The following LRP1B variants were observed in gnomAD, a reference collection of about 807,000 sequenced individuals.
LRP1B encodes the protein LDL receptor related protein 1B.
LRP1B carries 217 observed loss-of-function variants against 556.6 expected under a neutral mutation model. The ratio of observed to expected loss-of-function variants is 0.39; its 90% CI spans 0.35 to 0.44. LRP1B has a LOEUF of 0.44. Ranked by LOEUF, LRP1B falls within the 20% of genes least tolerant of loss-of-function variation. LRP1B has a pLI of 1.00. For missense variants in LRP1B, 5,053 were observed against 5,620.8 expected (o/e 0.90, Z 3.23); for synonymous variants, 2,047 against 1,865.8 (o/e 1.10, Z -2.50).
At chr2:140,310,409 G>A (rs1281857041) in intron 83 of LRP1B, among the ~76,000 whole-genome samples, 1 of 106,112 alleles carries the variant, frequency 9.4e-6, no homozygotes, top group Non-Finnish European at 2.0e-5. Flanking sequence ...AAATTCATAC[G>A]GAACCAAAAA....
rs1186462944 is a variant in LRP1B, at chr2:141,988,333, CTTGG to C, written c.82+142311_82+142314del. On this transcript the variant is annotated intron_variant, in intron 1 of 90. Transcript: ENST00000389484. ...TTCTCTTTATTAAATCACTGAGGTCCTTGGTTGTAGAATAGATTCAAGCAGTAGT... is the reference window on the plus strand; with the variant it reads ...TTCTCTTTATTAAATCACTGAGGTCCTTGTAGAATAGATTCAAGCAGTAGT... Among the ~76,000 whole-genome samples the C allele has an allele frequency of 3.3e-5, 5 of 151,664 alleles. No homozygotes were observed. In the East Asian group the frequency reaches 9.7e-4, roughly 30 times the overall value.
intron 31 of LRP1B, among the ~76,000 whole-genome samples, chr2:140,820,727 G>A (rs1559138718): frequency 6.6e-6 from 1 of 152,024 alleles, no homozygotes; most frequent in Non-Finnish European, 1.5e-5. Flanking sequence ...ACTGGATTGT[G>A]TCACTTAAAT....
intron 3 of LRP1B, among the ~76,000 whole-genome samples, chr2:141,464,322 TA>T (rs1014165299): frequency 1.6e-4 from 24 of 152,102 alleles, no homozygotes; most frequent in African/African-American, 5.6e-4. Context: ...CTTCCATCTT[TA>T]TCTTCTCTTA....
chr2:141,463,579 TAA>T (rs1682015344), intron 3 of LRP1B, among the ~76,000 whole-genome samples: 2 of 48,972 alleles, frequency 4.1e-5, no homozygotes, highest in African/African-American at 1.3e-4. Flanking sequence ...ATATTATATA[TAA>T]TTATATATAA....
chr2:140,855,270 G>A lies in LRP1B; in HGVS notation c.4580-3487C>T, dbSNP rs139626880. On this transcript the variant is annotated intron_variant, in intron 27 of 90. Transcript: ENST00000389484. ...GTTTTCTCCATTTCCTGCATGGATTGTTGCGCTAAACTCCTAACTAATCTT... is the reference window on the plus strand; with the variant it reads ...GTTTTCTCCATTTCCTGCATGGATTATTGCGCTAAACTCCTAACTAATCTT... Among the ~76,000 whole-genome samples, 280 of 150,600 alleles carry A rather than the reference G, an allele frequency of 1.9e-3. 1 individual carries two copies. Among genetic ancestry groups the A allele is most frequent in the African/African-American group, 6.1e-3 (250 of 40,998 alleles).
intron 2 of LRP1B, among the ~76,000 whole-genome samples, chr2:141,655,546 G>A (rs1689973657): frequency 6.6e-6 from 1 of 151,912 alleles, no homozygotes; most frequent in South Asian, 2.1e-4. Flanking sequence ...ATGAGAATAT[G>A]CATTTAATAT....
intron 55 of LRP1B, among the ~76,000 whole-genome samples, chr2:140,496,174 A>T (rs1235283030): frequency 6.6e-6 from 1 of 152,142 alleles, no homozygotes; most frequent in Non-Finnish European, 1.5e-5. Context: ...ATTTCATTTG[A>T]GCAGTATAGA....
At chr2:141,684,813 C>A (rs937489547) in intron 2 of LRP1B, among the ~76,000 whole-genome samples, 3 of 152,048 alleles carry the variant, frequency 2.0e-5, no homozygotes, top group Non-Finnish European at 2.9e-5. Flanking sequence ...ACCAGGAACA[C>A]TGCCAGCTTG....
chr2:140,505,678 C>A (rs1689379286), intron 53 of LRP1B, among the ~76,000 whole-genome samples: 1 of 152,116 alleles, frequency 6.6e-6, no homozygotes, highest in Non-Finnish European at 1.5e-5. Flanking sequence ...TAAAATATCA[C>A]ATCAAATGTA....
intron 41 of LRP1B, among the ~76,000 whole-genome samples, chr2:140,671,644 A>T (rs1280123381): frequency 6.6e-6 from 1 of 151,564 alleles, no homozygotes; most frequent in African/African-American, 2.4e-5. Context: ...TTTCATCCTT[A>T]ACATTTTTTT....
chr2:142,070,978 T>C (rs2104910933), intron 1 of LRP1B, among the ~76,000 whole-genome samples: 1 of 152,028 alleles, frequency 6.6e-6, no homozygotes. Context: ...TTATCTTTAT[T>C]TTACAGAAAA....
Position 140,601,606 on chromosome 2 carries a change from C to T in LRP1B, c.6833G>A (p.Arg2278Lys), listed in dbSNP as rs368677921. ...VGSVEGLAYH[R>K]AWDTLYWTSS... ...TGTCCAGTACAGTGTATCCCAGGCT[C>T]TGTGATAGGCAAGTCCTTCCACAGA... is the stretch of plus-strand genomic sequence containing the variant. The change falls in exon 42 of 91, where the codon AGA becomes AAA. Residue 2278 changes from arginine (R) to lysine (K), a missense_variant. Physicochemically the swap from Arg to Lys is conservative, Grantham distance 26. Coordinates refer to ENST00000389484, the MANE Select transcript of LRP1B (RefSeq NM_018557.3). 4.5e-5 allele frequency: 72 copies of T among 1,604,244 alleles called. No homozygotes were observed. Among genetic ancestry groups the T allele is most frequent in the Non-Finnish European group, 6.0e-5 (70 of 1,173,990 alleles).
chr2:140,487,680 G>A lies in LRP1B; in HGVS notation c.9180C>T (p.Ile3060=), dbSNP rs774022861. 1.1e-5 allele frequency: 17 copies of A among 1,596,046 alleles called. No homozygotes were observed. The highest frequency in any genetic ancestry group is 7.8e-5 in the South Asian group (7 of 90,150). Residue 3060 remains isoleucine, a synonymous_variant, in exon 58 of 91, where the codon ATC becomes ATT. Coordinates refer to ENST00000389484, the MANE Select transcript of LRP1B (RefSeq NM_018557.3). ...GACTGCCATTGGGTCGGCTAGAATC[G>A]ATCCAATAGATGAATTCTTCTCTGT... is the stretch of plus-strand genomic sequence containing the variant. ...FDYREEFIYW[I]DSSRPNGSRI...
chr2:141,184,774 T>C (rs111333712), intron 7 of LRP1B, among the ~76,000 whole-genome samples: 13 of 151,748 alleles, frequency 8.6e-5, no homozygotes, highest in African/African-American at 2.9e-4. Context: ...TTCCCCTCCA[T>C]GCCCACCGAG....
intron 56 of LRP1B, 79 bp from the exon 57 acceptor site, chr2:140,492,772 C>T: frequency 2.0e-6 from 2 of 1,020,458 alleles, no homozygotes; most frequent in African/African-American, 1.6e-5. Context: ...TTTAGTTTAG[C>T]AGCAATGTGA....
At chr2:141,670,937 G>A (rs574263204) in intron 2 of LRP1B, among the ~76,000 whole-genome samples, 1 of 152,150 alleles carries the variant, frequency 6.6e-6, no homozygotes, top group Non-Finnish European at 1.5e-5. Context: ...TTCATAATTG[G>A]ACTCATAAAA....
chr2:141,913,754 A>C (rs1038115076), intron 1 of LRP1B, among the ~76,000 whole-genome samples: 5 of 148,844 alleles, frequency 3.4e-5, no homozygotes, highest in African/African-American at 1.2e-4. Flanking sequence ...ACCCTCCTAC[A>C]TTTTTTTTTT....
chr2:141,105,415 G>T (rs1187472787), intron 7 of LRP1B, among the ~76,000 whole-genome samples: 1 of 151,930 alleles, frequency 6.6e-6, no homozygotes, highest in Non-Finnish European at 1.5e-5. Flanking sequence ...CTTACCATTT[G>T]TGAGTTATTG....
chr2:140,900,615 C>G (rs1437910810), intron 23 of LRP1B, among the ~76,000 whole-genome samples: 2 of 152,040 alleles, frequency 1.3e-5, no homozygotes, highest in African/African-American at 2.4e-5. Flanking sequence ...AATATAGTAT[C>G]TATTAACTGC....
Sources: allele counts gnomAD v4.1 joint callset (sites outside exome capture counted in the v4.1 genomes callset), GRCh38; gene constraint gnomAD v4.1.1; transcripts MANE v1.5; gene names NCBI Gene and HGNC (gene_info 2026-07-23, HGNC 2026-07-21).